The following ROBO1 variants were observed in gnomAD, a reference collection of about 807,000 sequenced individuals.
ROBO1 encodes the protein roundabout guidance receptor 1.
ROBO1 carries 149 observed loss-of-function variants against 195.9 expected under a neutral mutation model. The observed-to-expected ratio is 0.76, with a 90% CI of 0.67 to 0.87. The LOEUF is 0.87. Among genes scored for constraint, ROBO1 ranks in the 40% least tolerant of loss-of-function variants. ROBO1 has a pLI of 0.00. For missense variants in ROBO1, 1,933 were observed against 2,068.3 expected (o/e 0.93, Z 1.27); for synonymous variants, 816 against 733.2 (o/e 1.11, Z -1.82).
intron 1 of ROBO1, among the ~76,000 whole-genome samples, chr3:79,752,384 ATTC>A (rs1173712354): frequency 6.6e-6 from 1 of 152,144 alleles, no homozygotes; most frequent in Non-Finnish European, 1.5e-5. Context: ...AGAGTCACCC[ATTC>A]TTCTCTCTGG....
chr3:79,394,926 G>A (rs576735885), intron 2 of ROBO1, among the ~76,000 whole-genome samples: 1 of 152,162 alleles, frequency 6.6e-6, no homozygotes, highest in East Asian at 1.9e-4. Flanking sequence ...ACAGAATGTG[G>A]CTTTATGGAG....
In ROBO1 at chr3:79,694,944, CTT is replaced by C. The variant is rs547051554; in HGVS notation, c.-51+72806_-51+72807del. The stretch of plus-strand genomic sequence containing the variant: ...TGTAATTTTGATTCTAGGATTCTCT[CTT>C]ATGAAAATAATTATAATAAAATATT... On this transcript the variant is annotated intron_variant, in intron 1 of 30. Transcript: ENST00000464233. Among the ~76,000 whole-genome samples the C allele has an allele frequency of 2.4e-3, 363 of 151,706 alleles. 2 individuals are homozygous for C. Among genetic ancestry groups the C allele is most frequent in the African/African-American group, 8.2e-3 (341 of 41,502 alleles).
At chr3:79,618,229 T>G (rs1411182311) in intron 1 of ROBO1, among the ~76,000 whole-genome samples, 2 of 152,086 alleles carry the variant, frequency 1.3e-5, no homozygotes, top group African/African-American at 4.8e-5. Context: ...TTCTAAAAAT[T>G]TGGTCTAGAT....
chr3:79,723,410 T>C (rs1161894306), intron 1 of ROBO1, among the ~76,000 whole-genome samples: 1 of 152,174 alleles, frequency 6.6e-6, no homozygotes, highest in Non-Finnish European at 1.5e-5. Flanking sequence ...AAAAGAACCT[T>C]GAATTAACAA....
In ROBO1 at chr3:79,648,432, C is replaced by A. The variant is rs1945899690; in HGVS notation, c.-50-58471G>T. ...ATATATAAGGCTCAGTGAAGATGAA[C>A]TCCTGATCACAACTATAAAAACACA... is the stretch of plus-strand genomic sequence containing the variant. On this transcript the variant is annotated intron_variant, in intron 1 of 30. Coordinates refer to ENST00000464233, the MANE Select transcript of ROBO1 (RefSeq NM_002941.4). Among the ~76,000 whole-genome samples the A allele has an allele frequency of 2.0e-5, 3 of 152,176 alleles. No homozygotes were observed. In the East Asian group the frequency reaches 5.8e-4, roughly 29 times the overall value.
chr3:79,321,305 T>C (rs774667127), intron 2 of ROBO1, among the ~76,000 whole-genome samples: 2 of 152,190 alleles, frequency 1.3e-5, no homozygotes, highest in Non-Finnish European at 2.9e-5. Context: ...ATTTAGATTA[T>C]CTCTAAAATG....
intron 2 of ROBO1, among the ~76,000 whole-genome samples, chr3:79,409,641 C>A (rs1466527644): frequency 6.6e-6 from 1 of 152,104 alleles, no homozygotes; most frequent in East Asian, 1.9e-4. Context: ...CTGCAAAGGT[C>A]TGCACCCATG....
chr3:79,428,362 C>T (rs2038535887), intron 2 of ROBO1, among the ~76,000 whole-genome samples: 1 of 152,042 alleles, frequency 6.6e-6, no homozygotes, highest in Admixed American at 6.6e-5. Flanking sequence ...CTTATGCATT[C>T]TTTTGATAAT....
At chr3:79,201,778 A>T (rs933904873) in intron 2 of ROBO1, among the ~76,000 whole-genome samples, 3 of 151,830 alleles carry the variant, frequency 2.0e-5, no homozygotes, top group Non-Finnish European at 2.9e-5. Flanking sequence ...TTTTAAGTAC[A>T]AACTACAGCA....
chr3:79,033,325 A>G (rs1016637208), intron 3 of ROBO1, among the ~76,000 whole-genome samples: 2 of 152,208 alleles, frequency 1.3e-5, no homozygotes, highest in South Asian at 4.1e-4. Context: ...TACCTAGTTG[A>G]AAGAATATTC....
intron 2 of ROBO1, among the ~76,000 whole-genome samples, chr3:79,551,538 G>A (rs1247610622): frequency 6.6e-6 from 1 of 152,008 alleles, no homozygotes; most frequent in African/African-American, 2.4e-5. Flanking sequence ...TGAAAAGTGT[G>A]AAGACATTTT....
chr3:78,940,896 T>G (rs960497798), intron 3 of ROBO1, among the ~76,000 whole-genome samples: 2 of 152,168 alleles, frequency 1.3e-5, no homozygotes, highest in Non-Finnish European at 2.9e-5. Context: ...AAGAATGAAG[T>G]GCTGACAAGA....
At chr3:79,573,854 G>T (rs772921883) in intron 2 of ROBO1, among the ~76,000 whole-genome samples, 3 of 152,016 alleles carry the variant, frequency 2.0e-5, no homozygotes, top group Non-Finnish European at 4.4e-5. Context: ...AAATATTACA[G>T]CAAATTCAAC....
intron 1 of ROBO1, among the ~76,000 whole-genome samples, chr3:79,641,547 T>C (rs1230402399): frequency 1.3e-5 from 2 of 151,104 alleles, no homozygotes; most frequent in Middle Eastern, 3.4e-3. Flanking sequence ...TAAAGTATAA[T>C]AAAAATAAAT....
At chr3:78,805,399 T>G (rs2084505781) in intron 4 of ROBO1, among the ~76,000 whole-genome samples, 1 of 152,110 alleles carries the variant, frequency 6.6e-6, no homozygotes, top group Admixed American at 6.6e-5. Context: ...TATAAATCTC[T>G]CCTTAAAGCT....
At chr3:79,040,268 G>A (rs530672756) in intron 3 of ROBO1, among the ~76,000 whole-genome samples, 11 of 152,184 alleles carry the variant, frequency 7.2e-5, no homozygotes, top group African/African-American at 2.4e-4. Context: ...GGTCAAATGG[G>A]ATAATAGTTC....
At chr3:79,381,743 T>C (rs1369657829) in intron 2 of ROBO1, among the ~76,000 whole-genome samples, 1 of 152,064 alleles carries the variant, frequency 6.6e-6, no homozygotes, top group Non-Finnish European at 1.5e-5. Flanking sequence ...TTAGTTTTCC[T>C]ACAGAAAATT....
chr3:78,863,075 G>A (rs979876319), intron 4 of ROBO1, among the ~76,000 whole-genome samples: 3 of 152,206 alleles, frequency 2.0e-5, no homozygotes, highest in African/African-American at 4.8e-5. Context: ...CAGTGATTAC[G>A]GAAAGTCATT....
At chr3:78,880,000 T>C (rs1465333088) in intron 4 of ROBO1, among the ~76,000 whole-genome samples, 1 of 152,176 alleles carries the variant, frequency 6.6e-6, no homozygotes, top group Non-Finnish European at 1.5e-5. Flanking sequence ...CAGTGATATA[T>C]AATGTATACA....
Sources: gnomAD v4.1 joint callset for allele counts (sites outside exome capture counted in the v4.1 genomes callset) on GRCh38, gnomAD v4.1.1 for gene constraint, MANE v1.5 for transcripts, NCBI Gene and HGNC (gene_info 2026-07-23, HGNC 2026-07-21) for gene names.